Variants in PAPPA2 observed in about 807,000 individuals in gnomAD.
PAPPA2 encodes the protein pappalysin-2.
PAPPA2 carries 86 observed loss-of-function variants against 176.4 expected under a neutral mutation model. The observed-to-expected ratio is 0.49, with a 90% CI of 0.41 to 0.58. The LOEUF is 0.58. Among genes scored for constraint, PAPPA2 ranks in the 20% least tolerant of loss-of-function variants. The probability of loss-of-function intolerance (pLI) is 0.00; values close to 1 mark genes in which losing one functional copy is unlikely to be tolerated. For synonymous variants in PAPPA2, 809 were observed against 852.2 expected, an observed-to-expected ratio of 0.95 and a Z score of 0.88; for missense variants, 2,073 against 2,256.9, an observed-to-expected ratio of 0.92 and a Z score of 1.65.
intron 14 of PAPPA2, among the ~76,000 whole-genome samples, chr1:176,753,199 G>A (rs1663260112): frequency 6.6e-6 from 1 of 152,186 alleles, no homozygotes; most frequent in Admixed American, 6.5e-5. Flanking sequence ...CAGCTTACAG[G>A]ACATCTGAGC....
chr1:176,696,396 G>A (rs1038959279), intron 7 of PAPPA2, among the ~76,000 whole-genome samples: 1 of 152,118 alleles, frequency 6.6e-6, no homozygotes, highest in East Asian at 1.9e-4. Context: ...CACACTGACT[G>A]TTCTCGTCTA....
At chr1:176,818,160 G>T (rs1048844663) in intron 21 of PAPPA2, among the ~76,000 whole-genome samples, 5 of 152,166 alleles carry the variant, frequency 3.3e-5, no homozygotes, top group Admixed American at 6.5e-5. Context: ...AAGTGAGATG[G>T]CAGTAACTTG....
intron 21 of PAPPA2, among the ~76,000 whole-genome samples, chr1:176,800,684 G>T (rs933789161): frequency 6.6e-6 from 1 of 152,184 alleles, no homozygotes; most frequent in East Asian, 1.9e-4. Context: ...CAATTAGCTG[G>T]ATCTGAGTAG....
intron 1 of PAPPA2, among the ~76,000 whole-genome samples, chr1:176,503,687 A>T (rs1188509785): frequency 6.6e-6 from 1 of 152,162 alleles, no homozygotes; most frequent in East Asian, 1.9e-4. Flanking sequence ...TAGCTCCAAT[A>T]TTGTGAAGTG....
At chr1:176,702,774 TGTGAGAGAGAGAGA>T (rs1473230081) in intron 9 of PAPPA2, 39 bp downstream of exon 9, 3 of 1,435,622 alleles carry the variant, frequency 2.1e-6, no homozygotes, top group African/African-American at 1.4e-5. Context: ...TGTGTGTGTG[TGTGAGAGAGAGAGA>T]GAGAGAGAGA....
At chr1:176,711,079 C>T (rs974455465) in intron 11 of PAPPA2, among the ~76,000 whole-genome samples, 1 of 152,146 alleles carries the variant, frequency 6.6e-6, no homozygotes, top group African/African-American at 2.4e-5. Flanking sequence ...GTTCCACCCG[C>T]CTCTTACTGG....
chr1:176,612,668 A>G (rs1654997525), intron 3 of PAPPA2, among the ~76,000 whole-genome samples: 1 of 152,206 alleles, frequency 6.6e-6, no homozygotes, highest in Admixed American at 6.5e-5. Flanking sequence ...GGGACTACAC[A>G]TAGAGGAAGC....
chr1:176,738,210 G>T (rs1474887483), intron 12 of PAPPA2, among the ~76,000 whole-genome samples: 1 of 151,942 alleles, frequency 6.6e-6, no homozygotes, highest in Non-Finnish European at 1.5e-5. Flanking sequence ...GGGTCTGGTT[G>T]TTTCTTAAGT....
intron 3 of PAPPA2, among the ~76,000 whole-genome samples, chr1:176,637,469 A>G (rs778384240): frequency 5.3e-5 from 8 of 152,152 alleles, no homozygotes; most frequent in Non-Finnish European, 2.9e-5. Context: ...TCTCTCATCT[A>G]TAACAATGCA....
At chr1:176,777,677 A>G (rs910482698) in intron 17 of PAPPA2, among the ~76,000 whole-genome samples, 3 of 152,156 alleles carry the variant, frequency 2.0e-5, no homozygotes, top group Non-Finnish European at 2.9e-5. Context: ...TCTGTAGTGA[A>G]CATCATTATT....
chr1:176,699,604 A>G lies in PAPPA2; in HGVS notation c.3236+15A>G, dbSNP rs774303546. On this transcript the variant is annotated intron_variant, in intron 8 of 22. Transcript: ENST00000367662. ...TTCACGGACGTGTGAGTTTGGTAGC[A>G]TGACTATGGGGCTTCCTGAGGCTCT... 3 of 1,588,216 alleles carry G rather than the reference A, an allele frequency of 1.9e-6. No individual in the cohort carries two copies. In the Admixed American group the frequency reaches 5.1e-5, roughly 27 times the overall value.
At chr1:176,665,812 C>G (rs1658609375) in intron 3 of PAPPA2, among the ~76,000 whole-genome samples, 1 of 152,180 alleles carries the variant, frequency 6.6e-6, no homozygotes, top group Non-Finnish European at 1.5e-5. Flanking sequence ...AACATTATTT[C>G]AGATGCATTG....
chr1:176,649,767 T>C (rs1217686611), intron 3 of PAPPA2, among the ~76,000 whole-genome samples: 1 of 151,580 alleles, frequency 6.6e-6, no homozygotes, highest in Non-Finnish European at 1.5e-5. Context: ...ATAAGATACT[T>C]GACATGATTT....
At position 176,556,390 on chromosome 1, in the gene PAPPA2, A is replaced by G. The variant is rs748663784; in HGVS notation, c.68A>G (p.Asn23Ser). ...GCTGGGTGGGCACTCTGTTCTGCCAACTCTGAGCTGGGCTGGACACGCAAG... is the reference window on the plus strand; with the variant it reads ...GCTGGGTGGGCACTCTGTTCTGCCAGCTCTGAGCTGGGCTGGACACGCAAG... ...ILAGWALCSA[N>S]SELGWTRKKS... The change falls in exon 2 of 23, where the codon AAC becomes AGC. Residue 23 changes from asparagine (N) to serine (S), a missense_variant. Coordinates refer to ENST00000367662, the MANE Select transcript of PAPPA2 (RefSeq NM_020318.3). 9 of 1,614,018 alleles carry G rather than the reference A, an allele frequency of 5.6e-6. No individual in the cohort carries two copies. Among genetic ancestry groups the G allele is most frequent in the South Asian group, 4.4e-5 (4 of 91,086 alleles).
chr1:176,745,178 T>C (rs7536082), intron 14 of PAPPA2, among the ~76,000 whole-genome samples: 5 of 152,320 alleles, frequency 3.3e-5, no homozygotes, highest in Admixed American at 6.5e-5. Flanking sequence ...TGCCAACGGG[T>C]ATCATGTTAC....
At chr1:176,698,328 C>T (rs1433030242) in intron 7 of PAPPA2, among the ~76,000 whole-genome samples, 1 of 152,200 alleles carries the variant, frequency 6.6e-6, no homozygotes, top group Admixed American at 6.5e-5. Flanking sequence ...AGCCACTCAG[C>T]TAAGGACACA....
At chr1:176,795,710 T>G (rs1665398533) in intron 20 of PAPPA2, among the ~76,000 whole-genome samples, 1 of 152,192 alleles carries the variant, frequency 6.6e-6, no homozygotes, top group Non-Finnish European at 1.5e-5. Flanking sequence ...ATAAATTCAT[T>G]TTTCCACAGA....
intron 1 of PAPPA2, among the ~76,000 whole-genome samples, chr1:176,490,335 G>C (rs1303178189): frequency 6.6e-6 from 1 of 152,138 alleles, no homozygotes; most frequent in Non-Finnish European, 1.5e-5. Context: ...ATGAGTGATA[G>C]ACCTTTAGTG....
intron 12 of PAPPA2, among the ~76,000 whole-genome samples, chr1:176,716,854 G>A (rs903006362): frequency 4.7e-5 from 7 of 150,328 alleles, no homozygotes; most frequent in African/African-American, 1.5e-4. Context: ...CTCGTGATCC[G>A]CCCATCTCGG....
Sources: gnomAD v4.1 joint callset for allele counts (sites outside exome capture counted in the v4.1 genomes callset) on GRCh38, gnomAD v4.1.1 for gene constraint, MANE v1.5 for transcripts, NCBI Gene and HGNC (gene_info 2026-07-23, HGNC 2026-07-21) for gene names.